MLIP: variants seen among roughly 807,000 people sequenced by gnomAD.
The protein encoded by MLIP is muscular LMNA interacting protein, also known as muscular LMNA-interacting protein.
In MLIP, 79 loss-of-function variants were observed where a neutral mutation model predicts 84.8. The ratio of observed to expected loss-of-function variants is 0.93; its 90% CI spans 0.78 to 1.12. MLIP has a LOEUF of 1.12. Among genes scored for constraint, MLIP ranks in the 50% most tolerant of loss-of-function variants. The pLI is 0.00. For missense variants in MLIP, 1,257 were observed against 1,160.6 expected, an observed-to-expected ratio of 1.08 and a Z score of -1.21; for synonymous variants, 504 against 463.0, an observed-to-expected ratio of 1.09 and a Z score of -1.14.
At chr6:54,202,001 A>C (rs1451230512) in intron 10 of MLIP, 104 bp from the exon 11 acceptor site, 13 of 807,658 alleles carry the variant, frequency 1.6e-5, no homozygotes, top group Non-Finnish European at 2.2e-5. Context: ...AAAAAATATA[A>C]TTTTCTGTGA....
At chr6:54,049,496 A>G (rs575163224) in intron 1 of MLIP, among the ~76,000 whole-genome samples, 13 of 152,294 alleles carry the variant, frequency 8.5e-5, no homozygotes, top group South Asian at 2.1e-4. Context: ...TTGTTTTACA[A>G]TCAATAGTAC....
At chr6:54,124,328 A>C in intron 2 of MLIP, 145 bp from the exon 3 acceptor site, 1 of 813,786 alleles carries the variant, frequency 1.2e-6, no homozygotes, top group Non-Finnish European at 1.8e-6. Context: ...TAAACTGCTA[A>C]CTTCAACCCA....
At chr6:54,082,092 A>G (rs1035422014) in intron 1 of MLIP, among the ~76,000 whole-genome samples, 2 of 152,128 alleles carry the variant, frequency 1.3e-5, no homozygotes, top group African/African-American at 4.8e-5. Flanking sequence ...CATTACTCAT[A>G]TGATAACATG....
chr6:54,160,256 A>G, intron 5 of MLIP, 111 bp from the exon 6 acceptor site: 1 of 812,738 alleles, frequency 1.2e-6, no homozygotes, highest in Non-Finnish European at 2.0e-6. Context: ...AAATACTGTA[A>G]ATATTTTTTT....
intron 1 of MLIP, among the ~76,000 whole-genome samples, chr6:54,023,023 C>T (rs188998326): frequency 3.9e-5 from 6 of 151,958 alleles, no homozygotes; most frequent in Admixed American, 6.6e-5. Context: ...AAAAATTAGC[C>T]GGGCGTGGTG....
chr6:54,230,077 C>A (rs1320187891), intron 11 of MLIP, among the ~76,000 whole-genome samples: 11 of 152,272 alleles, frequency 7.2e-5, no homozygotes, highest in Non-Finnish European at 1.5e-5. Context: ...AACCTCCTTT[C>A]TTTGCAGTTG....
chr6:54,196,718 G>A (rs1435122976), intron 10 of MLIP, among the ~76,000 whole-genome samples: 2 of 152,008 alleles, frequency 1.3e-5, no homozygotes, highest in Non-Finnish European at 2.9e-5. Flanking sequence ...TATTTATTGA[G>A]CACCAACCAG....
intron 1 of MLIP, chr6:54,040,906 GACT>G (rs1764704948): frequency 6.6e-6 from 1 of 152,068 alleles, no homozygotes; most frequent in African/African-American, 2.4e-5. Flanking sequence ...AAGCAGTGGG[GACT>G]ACTAGAGGTG....
At chr6:54,216,780 A>T in intron 11 of MLIP, 1 of 985,386 alleles carries the variant, frequency 1.0e-6, no homozygotes, top group Non-Finnish European at 1.2e-6. Context: ...AAGCAAGAAG[A>T]TATGCCATAT....
intron 1 of MLIP, among the ~76,000 whole-genome samples, chr6:54,059,732 G>GC (rs1402159415): frequency 2.6e-5 from 4 of 151,990 alleles, no homozygotes; most frequent in Non-Finnish European, 4.4e-5. Flanking sequence ...CTAAAGGTTA[G>GC]AATTTTTTTT....
intron 1 of MLIP, among the ~76,000 whole-genome samples, chr6:54,036,801 A>G (rs934431350): frequency 6.6e-5 from 10 of 152,040 alleles, no homozygotes; most frequent in African/African-American, 1.4e-4. Context: ...TCATTGTGAC[A>G]TTATTCACAA....
intron 11 of MLIP, chr6:54,215,255 A>G (rs1779775731): frequency 6.7e-7 from 1 of 1,496,540 alleles, no homozygotes; most frequent in Non-Finnish European, 8.8e-7. Flanking sequence ...TGACTTTCCT[A>G]CTTCCTGAAA....
At chr6:54,161,358 G>A (rs776633219) in intron 8 of MLIP, among the ~76,000 whole-genome samples, 21 of 151,818 alleles carry the variant, frequency 1.4e-4, no homozygotes, top group Non-Finnish European at 2.9e-4. Flanking sequence ...TAGATTGTTA[G>A]AGTACTACTA....
intron 1 of MLIP, among the ~76,000 whole-genome samples, chr6:54,090,456 T>A (rs1767791373): frequency 6.6e-6 from 1 of 152,198 alleles, no homozygotes; most frequent in African/African-American, 2.4e-5. Flanking sequence ...ATTCTAGGCT[T>A]CCTATTTTAA....
At chr6:54,109,924 T>TCTTCCTTTCTTCCTTCCTTC (rs1769307647), upstream of MLIP, among the ~76,000 whole-genome samples, 1 of 65,860 alleles carries the variant, frequency 1.5e-5, no homozygotes, top group Non-Finnish European at 3.1e-5. Context: ...TTTCTTTCTT[T>TCTTCCTTTCTTCCTTCCTTC]CTTCCTTCCT....
intron 8 of MLIP, among the ~76,000 whole-genome samples, chr6:54,168,570 A>G (rs1775431109): frequency 6.6e-6 from 1 of 151,834 alleles, no homozygotes; most frequent in South Asian, 2.1e-4. Flanking sequence ...TCTGTTCACC[A>G]ATAAGTCCCA....
chr6:54,201,193 G>A (rs1474740115), intron 10 of MLIP, among the ~76,000 whole-genome samples: 3 of 152,122 alleles, frequency 2.0e-5, no homozygotes, highest in South Asian at 2.1e-4. Flanking sequence ...TTGTCAAATC[G>A]ACACTGGGTA....
chr6:54,231,842 G>A (rs1467712672), intron 12 of MLIP, among the ~76,000 whole-genome samples: 1 of 151,982 alleles, frequency 6.6e-6, no homozygotes, highest in African/African-American at 2.4e-5. Context: ...GGAGCCTGAG[G>A]CATTTTTAAA....
intron 1 of MLIP, among the ~76,000 whole-genome samples, chr6:54,118,540 A>G (rs1013555915): frequency 6.6e-6 from 1 of 152,268 alleles, no homozygotes; most frequent in African/African-American, 2.4e-5. Flanking sequence ...ACTTAAATGT[A>G]AGACCAGAAA....
Sources: gnomAD v4.1 joint callset for allele counts (sites outside exome capture counted in the v4.1 genomes callset) on GRCh38, gnomAD v4.1.1 for gene constraint, MANE v1.5 for transcripts, NCBI Gene and HGNC (gene_info 2026-07-23, HGNC 2026-07-21) for gene names.